BPIFA2: variants seen among roughly 807,000 people sequenced by gnomAD.
BPIFA2 encodes the protein BPI fold-containing family A member 2.
A neutral mutation model predicts 25.7 loss-of-function variants in BPIFA2; 20 were observed. The ratio of observed to expected loss-of-function variants is 0.78; its 90% confidence interval spans 0.55 to 1.13. The LOEUF (loss-of-function observed/expected upper bound fraction) is 1.13. Among genes scored for constraint, BPIFA2 ranks in the 50% most tolerant of loss-of-function variants. The pLI is 0.00. For missense variants in BPIFA2, 300 were observed against 298.1 expected (o/e 1.01, Z -0.05); for synonymous variants, 126 against 124.3 (o/e 1.01, Z -0.09).
In BPIFA2 at chr20:33,172,959, T is replaced by C. The variant is rs752534362; in HGVS notation, c.185T>C (p.Leu62Pro). Reference sequence around the variant, plus strand: ...ATCCTTGAGAAACTGAAGGTCGACCTAGGAGTGCTTCAGAAATCCAGTGCT... The same window carrying C: ...ATCCTTGAGAAACTGAAGGTCGACCCAGGAGTGCTTCAGAAATCCAGTGCT... ...KGILEKLKVD[L>P]GVLQKSSAWQ... Residue 62 changes from leucine to proline, a missense_variant, in exon 3 of 9, where the codon CTA (leucine) becomes CCA (proline). Leu to Pro is a moderately conservative substitution (Grantham distance 98, BLOSUM62 -3). Coordinates refer to ENST00000354932, the MANE Select transcript of BPIFA2 (RefSeq NM_080574.4). The C allele has an allele frequency of 1.9e-6, 3 of 1,613,816 alleles. No individual in the cohort carries two copies. Among genetic ancestry groups the C allele is most frequent in the Admixed American group, 3.3e-5 (2 of 59,986 alleles).
At chr20:33,174,943 A>G (rs1472169681) in intron 4 of BPIFA2, among the ~76,000 whole-genome samples, 1 of 152,120 alleles carries the variant, frequency 6.6e-6, no homozygotes, top group Non-Finnish European at 1.5e-5. Flanking sequence ...TTTAAAGGAG[A>G]TAGACAAGAA....
At position 33,175,368 on chromosome 20, in the gene BPIFA2, C is replaced by G. The variant is rs757943987; in HGVS notation, c.411-39C>G. The G allele has an allele frequency of 2.5e-6, 4 of 1,595,752 alleles. No individual in the cohort carries two copies. The South Asian group carries it at 3.4e-5, about 14-fold the overall frequency. On this transcript the variant is annotated intron_variant, in intron 4 of 8. Coordinates refer to ENST00000354932, the MANE Select transcript of BPIFA2 (RefSeq NM_080574.4). ...AACCCAACTGGGCAACAGGCAGGAA[C>G]TTCTAGACTTTGTTCACTGTGCATC...
chr20:33,172,865 G>T, intron 2 of BPIFA2, 67 bp from the exon 3 acceptor site: 1 of 1,536,230 alleles, frequency 6.5e-7, no homozygotes, highest in South Asian at 1.2e-5. Flanking sequence ...AGTCTTACCC[G>T]GTACCTGGAG....
At chr20:33,166,786 G>T (rs1486118773), upstream of BPIFA2, among the ~76,000 whole-genome samples, 1 of 152,234 alleles carries the variant, frequency 6.6e-6, no homozygotes, top group African/African-American at 2.4e-5. Flanking sequence ...TGAGGCAACT[G>T]AGGCCTGGGC....
rs994605961 is a variant in BPIFA2 at position 33,169,193 on chromosome 20, G to C, written c.48G>C (p.Gly16=). 7 of 1,614,118 alleles carry C rather than the reference G, an allele frequency of 4.3e-6. No homozygotes were observed. Among genetic ancestry groups the C allele is most frequent in the Non-Finnish European group, 5.9e-6 (7 of 1,179,958 alleles). The change falls in exon 2 of 9, where the codon GGG becomes GGC. Residue 16 remains glycine, a synonymous_variant. Transcript: ENST00000354932. ...KLVLLCGVLT[G]TSESLLDNLG... is the part of the protein sequence containing the mutation. ...TTCTCCTGTGCGGCGTGCTCACTGG[G>C]ACCTCAGAGTCTCTTCTTGACAATC...
At chr20:33,166,687 GC>G (rs1298109581), upstream of BPIFA2, among the ~76,000 whole-genome samples, 1 of 152,106 alleles carries the variant, frequency 6.6e-6, no homozygotes, top group East Asian at 1.9e-4. Context: ...TGCCCTCAAA[GC>G]CCCTCACCAT....
At chr20:33,164,892 G>A (rs1404536392), upstream of BPIFA2, among the ~76,000 whole-genome samples, 1 of 152,252 alleles carries the variant, frequency 6.6e-6, no homozygotes, top group Non-Finnish European at 1.5e-5. Flanking sequence ...AACATTCCAT[G>A]GGACAGGAGG....
At chr20:33,170,580 G>T (rs79931203) in intron 2 of BPIFA2, among the ~76,000 whole-genome samples, 1 of 152,022 alleles carries the variant, frequency 6.6e-6, no homozygotes, top group Non-Finnish European at 1.5e-5. Flanking sequence ...TTTTTGTAGC[G>T]GTGGAGTCTC....
At chr20:33,175,859 T>A (rs1428021572) in intron 5 of BPIFA2, among the ~76,000 whole-genome samples, 2 of 150,138 alleles carry the variant, frequency 1.3e-5, no homozygotes, top group Admixed American at 6.6e-5. Flanking sequence ...ATGCTGCCTC[T>A]CTGCCTGCTG....
upstream of BPIFA2, among the ~76,000 whole-genome samples, chr20:33,167,664 A>G (rs1983763828): frequency 1.0e-5 from 1 of 95,706 alleles, no homozygotes; most frequent in South Asian, 4.4e-4. Context: ...TGCCGGGTGC[A>G]GACCCCTGGG....
intron 3 of BPIFA2, among the ~76,000 whole-genome samples, 183 bp downstream of exon 3, chr20:33,173,259 C>T (rs989251424): frequency 2.6e-5 from 4 of 152,190 alleles, no homozygotes; most frequent in Non-Finnish European, 5.9e-5. Flanking sequence ...GCTACAGAGT[C>T]AATCCGGGCA....
Position 33,175,579 on chromosome 20 carries a change from G to A in BPIFA2, c.563+20G>A, listed in dbSNP as rs1225595283. ...GGACAAGTAAGTCCCATTCATCTTAGTAGAGCTGGGCTCTCAGGGAACTTG... is the reference window on the plus strand; with the variant it reads ...GGACAAGTAAGTCCCATTCATCTTAATAGAGCTGGGCTCTCAGGGAACTTG... On this transcript the variant is annotated intron_variant, in intron 5 of 8. Transcript: ENST00000354932. 6.2e-7 allele frequency: 1 copy of A among 1,612,138 alleles called. No individual in the cohort carries two copies. The highest frequency in any genetic ancestry group is 2.2e-5 in the East Asian group (1 of 44,744).
intron 7 of BPIFA2, 138 bp downstream of exon 7, chr20:33,179,805 C>T: frequency 1.2e-6 from 1 of 855,302 alleles, no homozygotes; most frequent in South Asian, 1.5e-5. Flanking sequence ...ATGGCTTCCC[C>T]TCCACAGGCA....
At chr20:33,175,769 G>A (rs904105998) in intron 5 of BPIFA2, among the ~76,000 whole-genome samples, 1 of 152,082 alleles carries the variant, frequency 6.6e-6, no homozygotes, top group African/African-American at 2.4e-5. Context: ...CTGTAAACTG[G>A]GGGTGTTCAT....
Position 33,169,229 on chromosome 20 carries a change from C to A in BPIFA2, c.84C>A (p.Asp28Glu). 1 of 1,614,044 alleles carries A rather than the reference C, an allele frequency of 6.2e-7. No homozygotes were observed. The highest frequency in any genetic ancestry group is 8.5e-7 in the Non-Finnish European group (1 of 1,179,922). ...SESLLDNLGN[D>E]LSNVVDKLEP... is the part of the protein sequence containing the mutation. ...CTCTTCTTGACAATCTTGGCAATGA[C>A]CTAAGCAATGTCGTGGATAAGCTGG... Residue 28 changes from aspartate to glutamate, a missense_variant, in exon 2 of 9, where the codon GAC (aspartate) becomes GAA (glutamate). Transcript: ENST00000354932.
In BPIFA2 at chr20:33,178,146, G is replaced by A. The variant is rs1984146025; in HGVS notation, c.564-1G>A. 2 of 1,597,888 alleles carry A rather than the reference G, an allele frequency of 1.3e-6. No homozygotes were observed. The highest frequency in any genetic ancestry group is 2.2e-5 in the South Asian group (2 of 89,754). On this transcript the variant is annotated splice_acceptor_variant, in intron 5 of 8. Transcript: ENST00000354932. LOFTEE classifies it high-confidence loss of function. ...CTTTAATAGTTCCCTGTGTTTTCCAGACACAGCCAAATCATCAACAAGTTC... is the reference window on the plus strand; with the variant it reads ...CTTTAATAGTTCCCTGTGTTTTCCAAACACAGCCAAATCATCAACAAGTTC...
upstream of BPIFA2, among the ~76,000 whole-genome samples, chr20:33,167,380 C>G (rs73615637): frequency 3.3e-5 from 5 of 152,292 alleles, no homozygotes; most frequent in East Asian, 9.7e-4. Flanking sequence ...ACAGGATACT[C>G]AGGCCCAGGG....
At chr20:33,180,407 TG>T in intron 7 of BPIFA2, 112 bp from the exon 8 acceptor site, 3 of 1,159,760 alleles carry the variant, frequency 2.6e-6, no homozygotes, top group Non-Finnish European at 3.9e-6. Flanking sequence ...GCAACATCCC[TG>T]GGGTCCCACA....
chr20:33,170,387 C>G (rs1983859184), intron 2 of BPIFA2, among the ~76,000 whole-genome samples: 1 of 152,108 alleles, frequency 6.6e-6, no homozygotes, highest in Admixed American at 6.6e-5. Flanking sequence ...TAATTATTTT[C>G]ATGAGCATCA....
Sources: allele counts gnomAD v4.1 joint callset (sites outside exome capture counted in the v4.1 genomes callset), GRCh38; gene constraint gnomAD v4.1.1; transcripts MANE v1.5; gene names NCBI Gene and HGNC (gene_info 2026-07-23, HGNC 2026-07-21).